The following DAB1 variants were observed in gnomAD, a reference collection of about 807,000 sequenced individuals.
DAB1 encodes DAB adaptor protein 1, also known as disabled homolog 1.
A neutral mutation model predicts 64.6 loss-of-function variants in DAB1; 15 were observed. The ratio of observed to expected loss-of-function variants is 0.23; its 90% CI spans 0.16 to 0.36. The LOEUF (loss-of-function observed/expected upper bound fraction) is 0.36, where lower values mean the gene tolerates loss of function less well. DAB1 is among the 10% of genes least tolerant of loss of function. DAB1 has a pLI of 1.00. For synonymous variants in DAB1, 235 were observed against 251.9 expected (o/e 0.93, Z 0.64); for missense variants, 596 against 706.7 (o/e 0.84, Z 1.78).
intron 6 of DAB1, among the ~76,000 whole-genome samples, chr1:57,818,211 A>G (rs1569773358): frequency 6.6e-6 from 1 of 152,186 alleles, no homozygotes; most frequent in African/African-American, 2.4e-5. Context: ...AGGCATTTGG[A>G]AATAGAAATA....
intron 4 of DAB1, among the ~76,000 whole-genome samples, chr1:57,091,270 T>G (rs538384087): frequency 6.6e-6 from 1 of 152,222 alleles, no homozygotes; most frequent in South Asian, 2.1e-4. Flanking sequence ...CATCCATCCA[T>G]CCAGCCTTTC....
chr1:57,453,123 A>G (rs1018522966), intron 7 of DAB1, among the ~76,000 whole-genome samples: 2 of 152,090 alleles, frequency 1.3e-5, no homozygotes, highest in African/African-American at 4.8e-5. Context: ...AGATACAGAC[A>G]TGGATCAAGA....
upstream of DAB1, among the ~76,000 whole-genome samples, chr1:57,888,481 T>C (rs953155740): frequency 6.6e-6 from 1 of 152,144 alleles, no homozygotes; most frequent in African/African-American, 2.4e-5. Context: ...AAAACAGACA[T>C]TTTGCTAGTG....
At chr1:58,020,079 C>A (rs1200599638) in intron 5 of DAB1, among the ~76,000 whole-genome samples, 4 of 152,172 alleles carry the variant, frequency 2.6e-5, no homozygotes, top group Admixed American at 2.0e-4. Context: ...GTGTTTTAAT[C>A]TTTTGATGAC....
chr1:57,717,112 G>A lies in DAB1; in HGVS notation n.552-67447C>T, dbSNP rs1263542354. Among the ~76,000 whole-genome samples, 6 of 151,960 alleles carry A rather than the reference G, an allele frequency of 3.9e-5. No individual in the cohort carries two copies. The South Asian group carries it at 8.3e-4, about 21-fold the overall frequency. ...AAATTAGCTGGGTGTGGTGGTGGGC[G>A]CCTGTAATCCCAGCTACTCTGGAAG... is the stretch of plus-strand genomic sequence containing the variant. On this transcript the variant is annotated intron_variant and non_coding_transcript_variant, in intron 6 of 20. Coordinates refer to the DAB1 transcript ENST00000485760.
chr1:58,182,275 G>A (rs1308401489), intron 4 of DAB1, among the ~76,000 whole-genome samples: 1 of 151,926 alleles, frequency 6.6e-6, no homozygotes, highest in East Asian at 1.9e-4. Context: ...TTGTGTGTGT[G>A]TGTGTTTATC....
At chr1:57,352,223 A>C (rs1186767122) in intron 1 of DAB1, among the ~76,000 whole-genome samples, 1 of 152,138 alleles carries the variant, frequency 6.6e-6, no homozygotes, top group Non-Finnish European at 1.5e-5. Flanking sequence ...CTTGGAGTAC[A>C]CCATTTAATC....
intron 5 of DAB1, among the ~76,000 whole-genome samples, chr1:58,141,091 C>G (rs1654256441): frequency 2.6e-5 from 4 of 152,096 alleles, no homozygotes. Context: ...GAAGGTGAAG[C>G]AGGAGCAGGC....
At chr1:57,889,894 T>TGG (rs1259975929) in intron 5 of DAB1, among the ~76,000 whole-genome samples, 185 of 7,924 alleles carry the variant, frequency 0.023, 2 homozygotes, top group Middle Eastern at 0.062. Context: ...TAGCACAAAC[T>TGG]GGGGCGGGGG....
In DAB1 at chr1:57,023,787, A is replaced by T. The variant is rs994689877; in HGVS notation, c.787-148T>A. 1.1e-5 allele frequency: 7 copies of T among 628,486 alleles called. No individual in the cohort carries two copies. The Admixed American group carries it at 1.5e-4, about 13-fold the overall frequency. 38.9% of individuals were successfully genotyped at this position (628,486 alleles called of 1,614,324 possible). A position where few individuals can be genotyped will look rare whatever the true frequency, so the allele number is the denominator to read the frequency against. ...GGTGTGCAGCCCATGTGCTGGTTAC[A>T]TACACTTTATCTATATGGGAAATGA... On this transcript the variant is annotated intron_variant, in intron 10 of 14. Coordinates refer to ENST00000371236, the MANE Select transcript of DAB1 (RefSeq NM_001365792.1).
chr1:57,494,237 G>A (rs1478540415), intron 7 of DAB1, among the ~76,000 whole-genome samples: 1 of 151,094 alleles, frequency 6.6e-6, no homozygotes, highest in Admixed American at 6.6e-5. Flanking sequence ...GAGGCAAGAA[G>A]TGTCAAATTG....
At chr1:57,531,471 G>C (rs1174806046) in intron 7 of DAB1, among the ~76,000 whole-genome samples, 3 of 152,062 alleles carry the variant, frequency 2.0e-5, no homozygotes. Context: ...TCTTCACAGG[G>C]ACACACATGA....
At chr1:57,739,644 G>C (rs1483298065) in intron 6 of DAB1, among the ~76,000 whole-genome samples, 1 of 150,726 alleles carries the variant, frequency 6.6e-6, no homozygotes, top group Non-Finnish European at 1.5e-5. Flanking sequence ...GTAGAGACAG[G>C]GTTTCGCCAT....
At position 56,997,974 on chromosome 1, in the gene DAB1, T is replaced by C. The variant is rs578102483; in HGVS notation, c.*170A>G. ...AGTTCCCTCTTCTGAGCGAGTTCCA[T>C]TGGGCAATCATGAATTTCTTGTGGG... is the stretch of plus-strand genomic sequence containing the variant. On this transcript the variant is annotated 3_prime_UTR_variant, in exon 15 of 15. Transcript: ENST00000371236. The C allele has an allele frequency of 6.5e-5, 10 of 152,690 alleles. No homozygotes were observed. The East Asian group carries it at 7.7e-4, about 12-fold the overall frequency. 9.5% of individuals were successfully genotyped at this position (152,690 alleles called of 1,614,324 possible).
At chr1:58,419,975 T>C (rs1171909333) in intron 3 of DAB1, among the ~76,000 whole-genome samples, 1 of 152,208 alleles carries the variant, frequency 6.6e-6, no homozygotes, top group African/African-American at 2.4e-5. Context: ...TGCCAATCTG[T>C]AGGTTGCCTC....
At chr1:57,804,005 G>A (rs773644025) in intron 6 of DAB1, among the ~76,000 whole-genome samples, 8 of 152,194 alleles carry the variant, frequency 5.3e-5, no homozygotes, top group Non-Finnish European at 1.0e-4. Context: ...GCAAATATAT[G>A]AGCTGAGTCA....
At chr1:57,328,828 C>T (rs1676402776) in intron 1 of DAB1, among the ~76,000 whole-genome samples, 1 of 152,150 alleles carries the variant, frequency 6.6e-6, no homozygotes, top group African/African-American at 2.4e-5. Flanking sequence ...ATAACATCTG[C>T]CCATGTGGCA....
At chr1:57,456,277 C>T (rs1217811729) in intron 7 of DAB1, among the ~76,000 whole-genome samples, 1 of 152,112 alleles carries the variant, frequency 6.6e-6, no homozygotes, top group Non-Finnish European at 1.5e-5. Context: ...GTCAAAGCTG[C>T]CAATGGTTAC....
rs543312877 is a variant in DAB1, at chr1:58,476,816, G to A, written n.257+29244C>T. ...GCTGTTCACAAGTGAAGGGTGAAGG[G>A]AAATGGACATTTTTCATCCTCACTT... is the stretch of plus-strand genomic sequence containing the variant. On this transcript the variant is annotated intron_variant and non_coding_transcript_variant, in intron 3 of 20. Coordinates refer to the DAB1 transcript ENST00000485760. 3.3e-5 allele frequency among the ~76,000 whole-genome samples: 5 copies of A among 152,334 alleles called. No homozygotes were observed. The South Asian group carries it at 1.0e-3, about 32-fold the overall frequency.
Sources: gnomAD v4.1 joint callset for allele counts (sites outside exome capture counted in the v4.1 genomes callset) on GRCh38, gnomAD v4.1.1 for gene constraint, MANE v1.5 for transcripts, NCBI Gene and HGNC (gene_info 2026-07-23, HGNC 2026-07-21) for gene names.